The following NRXN3 variants were observed in gnomAD, a reference collection of about 807,000 sequenced individuals.
NRXN3 encodes neurexin III.
In NRXN3, 32 loss-of-function variants were observed where a neutral mutation model predicts 137.6. That is an observed-to-expected ratio of 0.23 (90% CI 0.18 to 0.31). NRXN3 has a LOEUF of 0.31. Ranked by LOEUF, NRXN3 falls within the 10% of genes least tolerant of loss-of-function variation. The probability of loss-of-function intolerance (pLI) is 1.00; values close to 1 mark genes in which losing one functional copy is unlikely to be tolerated. For synonymous variants in NRXN3, 798 were observed against 784.5 expected (o/e 1.02, Z -0.29); for missense variants, 1,574 against 2,062.5 (o/e 0.76, Z 4.59).
In NRXN3 at chr14:79,391,962, C is replaced by T. The variant is rs117841710; in HGVS notation, c.3263-75259C>T. Among the ~76,000 whole-genome samples, 935 of 152,250 alleles carry T rather than the reference C, an allele frequency of 6.1e-3. 67 individuals carry two copies. The East Asian group carries it at 0.16, about 26-fold the overall frequency. ...CTAGAGAGGGGGGATTTCTTCAGTA[C>T]TCAGCAGCTAATCTTTTTTTTCTTC... On this transcript the variant is annotated intron_variant, in intron 15 of 20. Transcript: ENST00000335750.
chr14:78,319,451 G>A lies in NRXN3; in HGVS notation c.757+21591G>A, dbSNP rs891991979. Among the ~76,000 whole-genome samples the A allele has an allele frequency of 2.0e-5, 3 of 152,166 alleles. No individual in the cohort carries two copies. In the East Asian group the frequency reaches 5.8e-4, roughly 29 times the overall value. On this transcript the variant is annotated intron_variant, in intron 4 of 20. Coordinates refer to ENST00000335750, the MANE Select transcript of NRXN3 (RefSeq NM_001330195.2). ...CATGCTCCTAAAAAGGCCTGTTTCT[G>A]TAACAAATCATCACCATGAGGACAC...
intron 8 of NRXN3, among the ~76,000 whole-genome samples, chr14:78,717,071 GTGTTGC>G (rs2098437435): frequency 6.6e-6 from 1 of 152,176 alleles, no homozygotes; most frequent in African/African-American, 2.4e-5. Flanking sequence ...GTTTGCCAAA[GTGTTGC>G]AGATCTTCTG....
At chr14:79,433,239 G>A (rs1015685740) in intron 15 of NRXN3, among the ~76,000 whole-genome samples, 2 of 152,140 alleles carry the variant, frequency 1.3e-5, no homozygotes, top group African/African-American at 4.8e-5. Flanking sequence ...AGGAATTCAG[G>A]TTTTTGTTCT....
intron 8 of NRXN3, among the ~76,000 whole-genome samples, chr14:78,774,681 G>C (rs994762538): frequency 6.6e-6 from 1 of 152,152 alleles, no homozygotes; most frequent in Admixed American, 6.5e-5. Context: ...ACTTTTAGAG[G>C]CTGAGGCAGG....
intron 4 of NRXN3, among the ~76,000 whole-genome samples, chr14:78,535,014 A>G (rs2096520021): frequency 6.6e-6 from 1 of 152,208 alleles, no homozygotes; most frequent in African/African-American, 2.4e-5. Flanking sequence ...TTCCTTTGTT[A>G]TAAGTAAAGA....
intron 15 of NRXN3, among the ~76,000 whole-genome samples, chr14:79,342,910 A>G (rs1338062462): frequency 6.6e-6 from 1 of 152,180 alleles, no homozygotes; most frequent in East Asian, 1.9e-4. Flanking sequence ...TACTCAAATC[A>G]GTTTCCCTGA....
intron 15 of NRXN3, among the ~76,000 whole-genome samples, chr14:79,080,891 A>G (rs2046859489): frequency 6.6e-6 from 1 of 152,180 alleles, no homozygotes; most frequent in Admixed American, 6.5e-5. Context: ...AAACACAGTC[A>G]GTTGTCTTTT....
At chr14:79,290,143 G>A (rs1031223324) in intron 15 of NRXN3, among the ~76,000 whole-genome samples, 12 of 152,096 alleles carry the variant, frequency 7.9e-5, no homozygotes, top group African/African-American at 2.7e-4. Flanking sequence ...CACTCTTTGG[G>A]TGAAAATTGT....
intron 15 of NRXN3, among the ~76,000 whole-genome samples, chr14:79,390,240 C>A (rs973954791): frequency 3.3e-5 from 5 of 151,640 alleles, no homozygotes; most frequent in Middle Eastern, 3.4e-3. Flanking sequence ...TGGCATGAAC[C>A]CAGGAGGTGG....
intron 10 of NRXN3, among the ~76,000 whole-genome samples, chr14:78,886,802 C>A (rs1040256838): frequency 6.6e-6 from 1 of 151,982 alleles, no homozygotes; most frequent in Non-Finnish European, 1.5e-5. Context: ...CTAGTGATAC[C>A]CCAGCCTTGA....
intron 2 of NRXN3, among the ~76,000 whole-genome samples, chr14:78,248,306 C>CA (rs1458971029): frequency 8.6e-5 from 3 of 34,810 alleles, no homozygotes; most frequent in South Asian, 1.5e-3. Context: ...CCCCCCGCCC[C>CA]CCCCCCCCCC....
At chr14:78,807,206 T>C (rs1007855494) in intron 9 of NRXN3, among the ~76,000 whole-genome samples, 1 of 152,204 alleles carries the variant, frequency 6.6e-6, no homozygotes. Flanking sequence ...AAAAGACAGT[T>C]GATATGGACA....
intron 17 of NRXN3, among the ~76,000 whole-genome samples, chr14:79,688,917 T>C (rs2098705558): frequency 6.6e-6 from 1 of 152,172 alleles, no homozygotes; most frequent in South Asian, 2.1e-4. Context: ...TACAATAAAA[T>C]GTGACTAATA....
intron 17 of NRXN3, among the ~76,000 whole-genome samples, chr14:79,682,678 A>G (rs1472413816): frequency 6.6e-6 from 1 of 152,138 alleles, no homozygotes; most frequent in Non-Finnish European, 1.5e-5. Flanking sequence ...ATGATGTTCT[A>G]AGCAGAAGTT....
intron 4 of NRXN3, among the ~76,000 whole-genome samples, chr14:78,499,214 A>G (rs2095841442): frequency 6.6e-6 from 1 of 152,032 alleles, no homozygotes; most frequent in Non-Finnish European, 1.5e-5. Context: ...CAACTAGATC[A>G]TGTTTATGAA....
chr14:78,290,996 A>T (rs2075751551), intron 3 of NRXN3, among the ~76,000 whole-genome samples: 1 of 152,200 alleles, frequency 6.6e-6, no homozygotes, highest in South Asian at 2.1e-4. Context: ...GTGGATGAGG[A>T]TTGAGGAAAG....
chr14:79,281,875 C>T (rs1403362478), intron 15 of NRXN3: 1 of 152,258 alleles, frequency 6.6e-6, no homozygotes, highest in African/African-American at 2.4e-5. Flanking sequence ...TGCCTCCTAG[C>T]CCTGAGCTTT....
intron 15 of NRXN3, among the ~76,000 whole-genome samples, chr14:79,032,038 A>G (rs547346905): frequency 4.6e-5 from 7 of 152,266 alleles, no homozygotes; most frequent in Non-Finnish European, 8.8e-5. Flanking sequence ...AGGTGTAGGA[A>G]CTAAACAAGG....
At chr14:79,409,993 A>C (rs1158771071) in intron 15 of NRXN3, among the ~76,000 whole-genome samples, 2 of 151,854 alleles carry the variant, frequency 1.3e-5, no homozygotes, top group Non-Finnish European at 1.5e-5. Flanking sequence ...ATTTATCATA[A>C]ATTTTAACTC....
Sources: allele counts gnomAD v4.1 joint callset (sites outside exome capture counted in the v4.1 genomes callset), GRCh38; gene constraint gnomAD v4.1.1; transcripts MANE v1.5; gene names NCBI Gene and HGNC (gene_info 2026-07-23, HGNC 2026-07-21).